The following MLIP variants were observed in gnomAD, a reference collection of about 807,000 sequenced individuals.
MLIP encodes the protein muscular LMNA interacting protein.
In MLIP, 79 loss-of-function variants were observed where a neutral mutation model predicts 84.8. That is an observed-to-expected ratio of 0.93 (90% CI 0.78 to 1.12). The LOEUF (loss-of-function observed/expected upper bound fraction) is 1.12, where lower values mean the gene tolerates loss of function less well. Among genes scored for constraint, MLIP ranks in the 50% most tolerant of loss-of-function variants. The pLI is 0.00. For missense variants in MLIP, 1,257 were observed against 1,160.6 expected (o/e 1.08, Z -1.21); for synonymous variants, 504 against 463.0 (o/e 1.09, Z -1.14).
At chr6:54,216,275 G>A in intron 11 of MLIP, 1 of 985,358 alleles carries the variant, frequency 1.0e-6, no homozygotes, top group Non-Finnish European at 1.2e-6. Flanking sequence ...CTTCCATTAT[G>A]AGCAATTGTA....
intron 1 of MLIP, among the ~76,000 whole-genome samples, chr6:54,044,002 A>G (rs989865617): frequency 1.3e-5 from 2 of 152,032 alleles, no homozygotes; most frequent in African/African-American, 4.8e-5. Context: ...GTGGTTTGCT[A>G]CTCTATCTTA....
At chr6:54,096,783 A>G (rs1464744086) in intron 1 of MLIP, among the ~76,000 whole-genome samples, 9 of 152,200 alleles carry the variant, frequency 5.9e-5, no homozygotes, top group Non-Finnish European at 1.0e-4. Context: ...CCAACCTGCA[A>G]CATCCAGTTA....
At chr6:54,052,951 G>C (rs565720693) in intron 1 of MLIP, among the ~76,000 whole-genome samples, 3 of 152,118 alleles carry the variant, frequency 2.0e-5, no homozygotes, top group Non-Finnish European at 4.4e-5. Flanking sequence ...TATGTGGATT[G>C]GGGAAATTGT....
At chr6:54,092,283 G>A (rs1767920563) in intron 1 of MLIP, among the ~76,000 whole-genome samples, 2 of 152,210 alleles carry the variant, frequency 1.3e-5, no homozygotes, top group African/African-American at 2.4e-5. Context: ...ACATGCTTGT[G>A]AATTGCAATT....
intron 3 of MLIP, among the ~76,000 whole-genome samples, chr6:54,129,828 T>G (rs631441): frequency 0.3 from 46,111 of 152,004 alleles, 7,268 homozygotes; most frequent in African/African-American, 0.36. Flanking sequence ...TGTGCAAGAA[T>G]AGGTGAGAGG....
intron 12 of MLIP, among the ~76,000 whole-genome samples, chr6:54,232,985 C>A (rs1422628454): frequency 6.6e-6 from 1 of 152,158 alleles, no homozygotes; most frequent in East Asian, 1.9e-4. Flanking sequence ...TAATCAAACT[C>A]CTCATGTCCT....
intron 1 of MLIP, among the ~76,000 whole-genome samples, chr6:54,093,329 A>ATTCTATTCTATTCTATTCTATTCTATTCT (rs1767981818): frequency 7.5e-6 from 1 of 133,964 alleles, no homozygotes; most frequent in African/African-American, 2.8e-5. Context: ...TTTTCGATTA[A>ATTCTATTCTATTCTATTCTATTCTATTCT]ATTCTATTCT....
chr6:54,047,592 C>T (rs1765139190), intron 1 of MLIP: 1 of 152,152 alleles, frequency 6.6e-6, no homozygotes, highest in African/African-American at 2.4e-5. Context: ...TCAAGCGGAA[C>T]CCAGGAAGAA....
chr6:54,125,183 C>CT (rs1349387561), intron 3 of MLIP, among the ~76,000 whole-genome samples: 4 of 152,118 alleles, frequency 2.6e-5, no homozygotes, highest in African/African-American at 9.7e-5. Flanking sequence ...TGAGGAGTTT[C>CT]TTTAGTCAAG....
chr6:54,205,759 T>C (rs553936851), intron 11 of MLIP, among the ~76,000 whole-genome samples: 38 of 152,328 alleles, frequency 2.5e-4, no homozygotes, highest in Non-Finnish European at 4.6e-4. Flanking sequence ...AGCATCATTG[T>C]ATATTAGATT....
At chr6:54,061,299 C>G (rs768512454) in intron 1 of MLIP, among the ~76,000 whole-genome samples, 1 of 152,064 alleles carries the variant, frequency 6.6e-6, no homozygotes, top group Non-Finnish European at 1.5e-5. Context: ...GGACGAGGAC[C>G]AGATCAGCAG....
intron 5 of MLIP, among the ~76,000 whole-genome samples, chr6:54,159,955 C>T (rs774841674): frequency 6.6e-6 from 1 of 152,068 alleles, no homozygotes; most frequent in Non-Finnish European, 1.5e-5. Flanking sequence ...AACAAAGCAG[C>T]ATGATACTGG....
Position 54,249,859 on chromosome 6 carries a change from G to A in MLIP, c.2923-7449G>A, listed in dbSNP as rs76636386. ...AGGTTTGTTACATAGGTAAATGTAC[G>A]TTAAGGGGATTTGTCATACAGATTA... is the stretch of plus-strand genomic sequence containing the variant. On this transcript the variant is annotated intron_variant, in intron 12 of 13. Coordinates refer to ENST00000502396, the MANE Select transcript of MLIP (RefSeq NM_001281747.2). 1.5e-3 allele frequency among the ~76,000 whole-genome samples: 226 copies of A among 151,976 alleles called. 1 individual carries two copies. The highest frequency in any genetic ancestry group is 5.3e-3 in the African/African-American group (218 of 41,440).
intron 12 of MLIP, among the ~76,000 whole-genome samples, chr6:54,234,511 G>A (rs1781233419): frequency 6.6e-6 from 1 of 152,000 alleles, no homozygotes; most frequent in Non-Finnish European, 1.5e-5. Flanking sequence ...CAATACAAAA[G>A]GAGCACTTGA....
intron 13 of MLIP, among the ~76,000 whole-genome samples, chr6:54,263,651 G>T (rs1415949262): frequency 1.3e-5 from 2 of 151,902 alleles, no homozygotes; most frequent in Non-Finnish European, 2.9e-5. Flanking sequence ...TTTAAAAAAT[G>T]CTTTCTGTAA....
chr6:54,258,710 TACTTAATTTTCATAAAACATTCTTA>T (rs1361598578), intron 13 of MLIP, among the ~76,000 whole-genome samples: 1 of 152,070 alleles, frequency 6.6e-6, no homozygotes, highest in Non-Finnish European at 1.5e-5. Flanking sequence ...CACTTTGTTT[TACTTAATTTTCATAAAACATTCTTA>T]AGTTAACTAC....
intron 1 of MLIP, among the ~76,000 whole-genome samples, chr6:54,102,476 T>G (rs1768725215): frequency 6.6e-6 from 1 of 152,102 alleles, no homozygotes; most frequent in Non-Finnish European, 1.5e-5. Flanking sequence ...CACACAACCC[T>G]CTGATGCTGG....
intron 12 of MLIP, among the ~76,000 whole-genome samples, chr6:54,254,742 C>CCCTCCCTT (rs1554195171): frequency 0.068 from 8,541 of 124,922 alleles, 451 homozygotes; most frequent in East Asian, 0.15. Flanking sequence ...TTTTCTCCCT[C>CCCTCCCTT]CCTTCCTTCC....
intron 1 of MLIP, among the ~76,000 whole-genome samples, chr6:54,115,685 C>A (rs554004656): frequency 6.6e-6 from 1 of 152,002 alleles, no homozygotes; most frequent in Non-Finnish European, 1.5e-5. Flanking sequence ...GCATTTAATA[C>A]GGGTGTGGAA....
Sources: gnomAD v4.1 joint callset for allele counts (sites outside exome capture counted in the v4.1 genomes callset) on GRCh38, gnomAD v4.1.1 for gene constraint, MANE v1.5 for transcripts, NCBI Gene and HGNC (gene_info 2026-07-23, HGNC 2026-07-21) for gene names.